Variants in ABL1 observed in about 807,000 individuals in gnomAD.
ABL1 encodes the protein ABL proto-oncogene 1, non-receptor tyrosine kinase, also known as tyrosine-protein kinase ABL1.
Under a neutral mutation model 94.7 loss-of-function variants are expected in ABL1, and 11 were observed. The observed-to-expected ratio is 0.12, with a 90% confidence interval of 0.07 to 0.19. The LOEUF (loss-of-function observed/expected upper bound fraction) is 0.19. ABL1 is among the 10% of genes least tolerant of loss of function. ABL1 has a pLI of 1.00. For synonymous variants in ABL1, 656 were observed against 622.4 expected (o/e 1.05, Z -0.80); for missense variants, 1,082 against 1,489.4 (o/e 0.73, Z 4.50).
chr9:130,802,343 C>T (rs1377137668), intron 1 of ABL1, among the ~76,000 whole-genome samples: 2 of 152,106 alleles, frequency 1.3e-5, no homozygotes, highest in African/African-American at 2.4e-5. Context: ...ATCCACCTGC[C>T]CTGGTCTCCC....
At chr9:130,773,177 G>T (rs1460563834) in intron 1 of ABL1, among the ~76,000 whole-genome samples, 2 of 151,956 alleles carry the variant, frequency 1.3e-5, no homozygotes, top group Non-Finnish European at 1.5e-5. Flanking sequence ...AAAATTAGCC[G>T]GGCATGGTGG....
chr9:130,843,324 G>T (rs571867661), intron 1 of ABL1, among the ~76,000 whole-genome samples: 3 of 152,320 alleles, frequency 2.0e-5, no homozygotes, highest in African/African-American at 4.8e-5. Flanking sequence ...GTTCTGTAGT[G>T]AGCATCCCAG....
chr9:130,871,683 A>G (rs1831254349), intron 4 of ABL1, among the ~76,000 whole-genome samples: 1 of 152,222 alleles, frequency 6.6e-6, no homozygotes, highest in South Asian at 2.1e-4. Context: ...CTTCCCTTAA[A>G]TCAGGTACAT....
chr9:130,781,338 C>A (rs962191607), intron 1 of ABL1, among the ~76,000 whole-genome samples: 1 of 152,186 alleles, frequency 6.6e-6, no homozygotes, highest in Non-Finnish European at 1.5e-5. Flanking sequence ...AATTCTCCAC[C>A]TCTCACTTGC....
Position 130,875,024 on chromosome 9 carries a change from C to G in ABL1, c.1242C>G (p.Asn414Lys). 1 of 1,614,202 alleles carries G rather than the reference C, an allele frequency of 6.2e-7. No homozygotes were observed. The highest frequency in any genetic ancestry group is 1.1e-5 in the South Asian group (1 of 91,076). The part of the protein sequence containing the change: ...KWTAPESLAY[N>K]KFSIKSDVWA... ...CTGCACCCGAGAGCCTGGCCTACAA[C>G]AAGTTCTCCATCAAGTCCGACGTCT... The change falls in exon 7 of 11, where the codon AAC (asparagine) becomes AAG (lysine). Residue 414 changes from asparagine to lysine, a missense_variant. Asn to Lys is a moderately conservative substitution (Grantham distance 94). This residue lies in a region of ABL1 where 76 missense variants were observed against 177.1 expected (regional missense o/e 0.43). Coordinates refer to ENST00000318560, the MANE Select transcript of ABL1 (RefSeq NM_005157.6).
chr9:130,713,078 G>A (rs1238413155), exon 1 of ABL1, among the ~76,000 whole-genome samples: 1 of 152,228 alleles, frequency 6.6e-6, no homozygotes. Flanking sequence ...TGGTGTCTGT[G>A]CCTGAGCAGC....
chr9:130,799,085 T>G (rs549158284), intron 1 of ABL1, among the ~76,000 whole-genome samples: 1 of 152,250 alleles, frequency 6.6e-6, no homozygotes, highest in South Asian at 2.1e-4. Context: ...AGCACTTTGC[T>G]TTATCCTTAA....
chr9:130,875,075 AGTG>A lies in ABL1; in HGVS notation c.1270+26_1270+28del, dbSNP rs766920760. 138 of 1,612,506 alleles carry A rather than the reference AGTG, an allele frequency of 8.6e-5. 1 individual carries two copies. Among genetic ancestry groups the A allele is most frequent in the South Asian group, 7.0e-4 (64 of 90,858 alleles). ...GGGGTAAGGGCTGCTGCTGCACTGA[AGTG>A]GTCCTTCCTGACTACAGGAGGGTTT... On this transcript the variant is annotated intron_variant, in intron 7 of 10. Transcript: ENST00000318560.
At chr9:130,817,294 TC>T (rs1473806016) in intron 1 of ABL1, among the ~76,000 whole-genome samples, 1 of 152,214 alleles carries the variant, frequency 6.6e-6, no homozygotes, top group Admixed American at 6.5e-5. Flanking sequence ...AATAAAGAAA[TC>T]AATGTACTTT....
chr9:130,885,785 C>A lies in ABL1; in HGVS notation c.*102C>A. On this transcript the variant is annotated 3_prime_UTR_variant, in exon 11 of 11. Transcript: ENST00000318560. ...GGCTGACAAGGGACTAGTGAGTCAGCACCTTGGCCCAGGAGCTCTGCGCCA... is the reference window on the plus strand; with the variant it reads ...GGCTGACAAGGGACTAGTGAGTCAGAACCTTGGCCCAGGAGCTCTGCGCCA... 2 of 1,426,196 alleles carry A rather than the reference C, an allele frequency of 1.4e-6. No individual in the cohort carries two copies. The highest frequency in any genetic ancestry group is 1.9e-6 in the Non-Finnish European group (2 of 1,072,512). 88.3% of individuals were successfully genotyped at this position (1,426,196 alleles called of 1,614,324 possible).
intron 4 of ABL1, among the ~76,000 whole-genome samples, chr9:130,869,166 CAA>C (rs11349952): frequency 1.4e-5 from 2 of 142,622 alleles, no homozygotes; most frequent in African/African-American, 5.0e-5. Flanking sequence ...GACTCCGTCT[CAA>C]AAAAAAAAAG....
At chr9:130,834,197 C>T (rs1830529286), upstream of ABL1, among the ~76,000 whole-genome samples, 1 of 152,186 alleles carries the variant, frequency 6.6e-6, no homozygotes, top group Admixed American at 6.5e-5. Flanking sequence ...ATGAAGGTAA[C>T]ATGGCACATA....
At chr9:130,871,652 T>C (rs1256332391) in intron 4 of ABL1, among the ~76,000 whole-genome samples, 2 of 152,242 alleles carry the variant, frequency 1.3e-5, no homozygotes, top group Admixed American at 1.3e-4. Context: ...ATGCAATACC[T>C]CTTTCTTGTC....
chr9:130,868,726 G>A (rs1190968858), intron 4 of ABL1, among the ~76,000 whole-genome samples: 2 of 151,758 alleles, frequency 1.3e-5, no homozygotes, highest in African/African-American at 4.8e-5. Context: ...TCACCATGTG[G>A]CCAGGCTGGT....
intron 1 of ABL1, among the ~76,000 whole-genome samples, chr9:130,755,826 G>T (rs1382394533): frequency 6.6e-6 from 1 of 152,200 alleles, no homozygotes; most frequent in Non-Finnish European, 1.5e-5. Context: ...AGAGATCAGG[G>T]CTGTGACTTT....
intron 1 of ABL1, among the ~76,000 whole-genome samples, chr9:130,846,081 C>CTGTGTGTGTG (rs10554440): frequency 3.2e-3 from 477 of 148,150 alleles, no homozygotes; most frequent in Non-Finnish European, 3.9e-3. Context: ...AAACGTATGT[C>CTGTGTGTGTG]TGTGTGTGTG....
At chr9:130,808,938 T>C (rs1830167739) in intron 1 of ABL1, among the ~76,000 whole-genome samples, 1 of 152,198 alleles carries the variant, frequency 6.6e-6, no homozygotes, top group Admixed American at 6.5e-5. Context: ...CAGCGAATCC[T>C]GAGACCTGAG....
intron 1 of ABL1, among the ~76,000 whole-genome samples, chr9:130,846,488 G>A (rs532517987): frequency 6.6e-6 from 1 of 152,292 alleles, no homozygotes; most frequent in South Asian, 2.1e-4. Context: ...AAATTAAAGG[G>A]AACGTTTGTC....
At chr9:130,841,717 C>A (rs915914338) in intron 1 of ABL1, among the ~76,000 whole-genome samples, 17 of 151,792 alleles carry the variant, frequency 1.1e-4, no homozygotes, top group African/African-American at 4.1e-4. Context: ...GAGGCTAAGG[C>A]AGGAGAATTA....
Sources: allele counts gnomAD v4.1 joint callset (sites outside exome capture counted in the v4.1 genomes callset), GRCh38; gene constraint gnomAD v4.1.1; regional missense constraint gnomAD v4.1.1; transcripts MANE v1.5; gene names NCBI Gene and HGNC (gene_info 2026-07-23, HGNC 2026-07-21).